CTNNA3: variants seen among roughly 807,000 people sequenced by gnomAD.
CTNNA3 encodes catenin alpha 3, also known as catenin alpha-3.
CTNNA3 carries 76 observed loss-of-function variants against 95.7 expected under a neutral mutation model. The observed-to-expected ratio is 0.79, with a 90% confidence interval of 0.66 to 0.96. The LOEUF (loss-of-function observed/expected upper bound fraction) is 0.96, where lower values mean the gene tolerates loss of function less well. Among genes scored for constraint, CTNNA3 ranks in the 40% least tolerant of loss-of-function variants. The pLI is 0.00. For missense variants in CTNNA3, 1,191 were observed against 1,089.8 expected (o/e 1.09, Z -1.31); for synonymous variants, 431 against 374.4 (o/e 1.15, Z -1.74).
At chr10:66,514,324 CA>C (rs757920612) in intron 11 of CTNNA3, among the ~76,000 whole-genome samples, 42 of 152,184 alleles carry the variant, frequency 2.8e-4, no homozygotes, top group Non-Finnish European at 5.1e-4. Flanking sequence ...TAAGATTCTA[CA>C]GCAACTTAGG....
chr10:67,148,856 G>A (rs754237705), intron 7 of CTNNA3, among the ~76,000 whole-genome samples: 63 of 152,116 alleles, frequency 4.1e-4, no homozygotes, highest in Non-Finnish European at 8.1e-4. Context: ...TGTAAGAACT[G>A]GGTTTGTGAG....
At chr10:66,280,982 A>G (rs563275430) in intron 12 of CTNNA3, among the ~76,000 whole-genome samples, 1 of 152,092 alleles carries the variant, frequency 6.6e-6, no homozygotes, top group Non-Finnish European at 1.5e-5. Context: ...ACCACAAGAC[A>G]TTACAAAAAG....
intron 9 of CTNNA3, among the ~76,000 whole-genome samples, chr10:66,764,572 T>C (rs7902271): frequency 0.75 from 114,176 of 152,128 alleles, 43,069 homozygotes; most frequent in Admixed American, 0.79. Flanking sequence ...AGGAATTCAA[T>C]TTTGTCAGCA....
intron 15 of CTNNA3, among the ~76,000 whole-genome samples, chr10:66,043,422 A>G (rs1473975069): frequency 6.6e-6 from 1 of 152,128 alleles, no homozygotes; most frequent in East Asian, 1.9e-4. Context: ...ATTTTATTAT[A>G]CTTTGTAGCT....
At chr10:66,164,520 T>G (rs948080834) in intron 13 of CTNNA3, among the ~76,000 whole-genome samples, 19 of 147,818 alleles carry the variant, frequency 1.3e-4, no homozygotes, top group African/African-American at 4.2e-4. Flanking sequence ...TGGACACTGT[T>G]TTTTTTTTTT....
At chr10:66,411,484 T>C (rs1020121214) in intron 11 of CTNNA3, among the ~76,000 whole-genome samples, 61 of 152,098 alleles carry the variant, frequency 4.0e-4, no homozygotes, top group African/African-American at 1.4e-3. Flanking sequence ...ATTATGAATA[T>C]GATAATTACC....
chr10:67,326,550 C>T (rs1841544104), intron 5 of CTNNA3, among the ~76,000 whole-genome samples: 1 of 152,160 alleles, frequency 6.6e-6, no homozygotes, highest in Non-Finnish European at 1.5e-5. Context: ...TGAATATTGG[C>T]CCCCAATTTC....
chr10:66,064,994 C>A (rs2080283755), intron 15 of CTNNA3, among the ~76,000 whole-genome samples: 1 of 152,010 alleles, frequency 6.6e-6, no homozygotes, highest in Admixed American at 6.6e-5. Flanking sequence ...ATTCATACAA[C>A]TTATACTCTG....
chr10:67,096,693 C>CA (rs141923833), intron 7 of CTNNA3, among the ~76,000 whole-genome samples: 2,643 of 151,946 alleles, frequency 0.017, 79 homozygotes, highest in East Asian at 0.12. Context: ...TTGTCTGTAA[C>CA]TGTGTTTCCC....
At chr10:66,605,335 T>C (rs1357252444) in intron 10 of CTNNA3, among the ~76,000 whole-genome samples, 1 of 152,116 alleles carries the variant, frequency 6.6e-6, no homozygotes, top group Non-Finnish European at 1.5e-5. Context: ...TATGACTCAT[T>C]GGTGTCCCTG....
chr10:66,978,552 A>AAAAAAAAATATATAT, intron 7 of CTNNA3, among the ~76,000 whole-genome samples: 11 of 37,862 alleles, frequency 2.9e-4, no homozygotes, highest in East Asian at 1.7e-3. Flanking sequence ...AAAAAAAAAA[A>AAAAAAAAATATATAT]ATATATATAT....
At chr10:67,204,153 T>A (rs75490184) in intron 6 of CTNNA3, among the ~76,000 whole-genome samples, 1 of 152,152 alleles carries the variant, frequency 6.6e-6, no homozygotes, top group Non-Finnish European at 1.5e-5. Flanking sequence ...ATATGTACTA[T>A]GAAATGTCTT....
chr10:66,101,022 C>A (rs1028152268), intron 14 of CTNNA3, among the ~76,000 whole-genome samples: 4 of 152,154 alleles, frequency 2.6e-5, no homozygotes, highest in Non-Finnish European at 5.9e-5. Context: ...AACAAAATTT[C>A]CTTTGGTCAA....
At chr10:67,594,916 T>C (rs1842893656) in intron 3 of CTNNA3, among the ~76,000 whole-genome samples, 1 of 152,068 alleles carries the variant, frequency 6.6e-6, no homozygotes, top group African/African-American at 2.4e-5. Context: ...CATAATCTAT[T>C]GTATCATTCT....
chr10:66,427,573 T>A (rs937670585), intron 11 of CTNNA3, among the ~76,000 whole-genome samples: 1 of 152,094 alleles, frequency 6.6e-6, no homozygotes, highest in African/African-American at 2.4e-5. Flanking sequence ...TTTCTATTGG[T>A]AACATGGACA....
At chr10:67,717,913 T>A (rs12259936) in intron 1 of CTNNA3, among the ~76,000 whole-genome samples, 17,492 of 152,268 alleles carry the variant, frequency 0.11, 1,182 homozygotes, top group Non-Finnish European at 0.16. Flanking sequence ...TTGGGCAGTA[T>A]GGCCATTTTC....
At chr10:65,973,231 C>A (rs117388093) in intron 16 of CTNNA3, among the ~76,000 whole-genome samples, 1,524 of 152,140 alleles carry the variant, frequency 0.01, 54 homozygotes, top group Non-Finnish European at 5.9e-3. Flanking sequence ...AATATAAGAC[C>A]TCCACAATAA....
At chr10:67,602,565 G>A (rs1843119710) in intron 3 of CTNNA3, among the ~76,000 whole-genome samples, 1 of 152,164 alleles carries the variant, frequency 6.6e-6, no homozygotes, top group African/African-American at 2.4e-5. Flanking sequence ...CATTATAATA[G>A]AACACAGTGA....
At position 67,074,500 on chromosome 10, in the gene CTNNA3, A is replaced by G. The variant is rs532906139; in HGVS notation, c.1047+105817T>C. 2.8e-3 allele frequency among the ~76,000 whole-genome samples: 423 copies of G among 151,282 alleles called. 2 individuals carry two copies. Among genetic ancestry groups the G allele is most frequent in the African/African-American group, 6.7e-3 (278 of 41,210 alleles). The stretch of plus-strand genomic sequence containing the variant: ...CGAGTAGCTGGGACTACAGGCGCCC[A>G]CCACCACGCCCGGCTAATTTTCTGT... On this transcript the variant is annotated intron_variant, in intron 7 of 17. Transcript: ENST00000433211.
Sources: allele counts gnomAD v4.1 joint callset (sites outside exome capture counted in the v4.1 genomes callset), GRCh38; gene constraint gnomAD v4.1.1; transcripts MANE v1.5; gene names NCBI Gene and HGNC (gene_info 2026-07-23, HGNC 2026-07-21).